PRTFDC1: variants seen among roughly 807,000 people sequenced by gnomAD.
PRTFDC1 encodes phosphoribosyltransferase domain-containing protein 1.
A neutral mutation model predicts 34.6 loss-of-function variants in PRTFDC1; 38 were observed. The ratio of observed to expected loss-of-function variants is 1.10; its 90% CI spans 0.85 to 1.44. PRTFDC1 has a LOEUF of 1.44. Among genes scored for constraint, PRTFDC1 ranks in the 40% most tolerant of loss-of-function variants. The probability of loss-of-function intolerance (pLI) is 0.00; values close to 1 mark genes in which losing one functional copy is unlikely to be tolerated. For synonymous variants in PRTFDC1, 93 were observed against 98.1 expected, an observed-to-expected ratio of 0.95 and a Z score of 0.31; for missense variants, 270 against 283.0, an observed-to-expected ratio of 0.95 and a Z score of 0.33.
intron 3 of PRTFDC1, among the ~76,000 whole-genome samples, chr10:24,933,693 A>ATT (rs71399941): frequency 5.9e-5 from 8 of 136,028 alleles, no homozygotes; most frequent in East Asian, 2.1e-4. Context: ...GAGTTTGGCA[A>ATT]TTTTTTTTTT....
At chr10:24,866,792 AAGAG>A (rs111304267) in intron 4 of PRTFDC1, among the ~76,000 whole-genome samples, 13 of 148,308 alleles carry the variant, frequency 8.8e-5, no homozygotes, top group East Asian at 2.0e-4. Context: ...AAAAGAAAGA[AAGAG>A]AGAGAGAGAG....
At position 24,952,558 on chromosome 10, in the gene PRTFDC1, C is replaced by A; in HGVS notation, c.18G>T (p.Glu6Asp). The A allele has an allele frequency of 1.9e-6, 3 of 1,592,320 alleles. No homozygotes were observed. The highest frequency in any genetic ancestry group is 2.6e-6 in the Non-Finnish European group (3 of 1,169,348). ...CGCCTCGCCCGTAGTCTGGCGCCTCCTCGCTGCTCCCGGCCATGTTTCTCC... is the reference window on the plus strand; with the variant it reads ...CGCCTCGCCCGTAGTCTGGCGCCTCATCGCTGCTCCCGGCCATGTTTCTCC... MAGSS[E>D]EAPDYGRGVV... is the part of the protein sequence containing the mutation. Residue 6 changes from glutamate (E) to aspartate (D), a missense_variant, in exon 1 of 9, where the codon GAG (glutamate) becomes GAT (aspartate). By Grantham distance (45) the Glu-to-Asp change is conservative. Transcript: ENST00000320152. This position sits in a 1 kb window ranked among gnomAD's most constrained non-coding sequence, Gnocchi z 5.1.
At chr10:24,853,955 G>T (rs959922025) in intron 7 of PRTFDC1, among the ~76,000 whole-genome samples, 1 of 152,270 alleles carries the variant, frequency 6.6e-6, no homozygotes, top group Admixed American at 6.5e-5. Context: ...GACACTCATG[G>T]CTACATGACT....
At chr10:24,947,972 GAAT>G in intron 1 of PRTFDC1, among the ~76,000 whole-genome samples, 1 of 152,236 alleles carries the variant, frequency 6.6e-6, no homozygotes, top group East Asian at 1.9e-4. Flanking sequence ...GCTCACAGAG[GAAT>G]GAAGGAAGCT....
intron 3 of PRTFDC1, among the ~76,000 whole-genome samples, chr10:24,916,572 T>G (rs1416284972): frequency 1.3e-5 from 2 of 152,306 alleles, no homozygotes; most frequent in East Asian, 3.9e-4. Flanking sequence ...TAAGGGCCAT[T>G]GCACTTGCTG....
chr10:24,903,707 CTT>C (rs112008221), intron 3 of PRTFDC1, among the ~76,000 whole-genome samples: 45 of 142,466 alleles, frequency 3.2e-4, no homozygotes, highest in Admixed American at 3.5e-4. Flanking sequence ...AAGTTGTATT[CTT>C]TTTTTTTTTT....
At chr10:24,908,274 G>A (rs778179987) in intron 3 of PRTFDC1, 45 of 528,050 alleles carry the variant, frequency 8.5e-5, no homozygotes, top group Non-Finnish European at 1.3e-4. Context: ...TGTCTTTTAC[G>A]GAATAAAGAA....
chr10:24,864,251 G>A (rs1231401424), intron 4 of PRTFDC1, among the ~76,000 whole-genome samples: 1 of 152,130 alleles, frequency 6.6e-6, no homozygotes, highest in Admixed American at 6.6e-5. Flanking sequence ...ACAACAAAGG[G>A]TTTAAAATAT....
chr10:24,908,464 T>C, intron 3 of PRTFDC1: 2 of 1,597,848 alleles, frequency 1.3e-6, no homozygotes, highest in Non-Finnish European at 1.7e-6. Context: ...AGCCCTAGAA[T>C]GGTCCAGGTG....
At chr10:24,908,873 TG>T (rs1848581868) in intron 3 of PRTFDC1, 1 of 898,254 alleles carries the variant, frequency 1.1e-6, no homozygotes, top group African/African-American at 1.7e-5. Context: ...GACCTCTGGC[TG>T]GGGTGAGAAT....
chr10:24,856,993 A>ACTG lies in PRTFDC1; in HGVS notation c.425_426insCAG (p.Asp142_Val143insSer). 1 of 1,612,264 alleles carries ACTG rather than the reference A, an allele frequency of 6.2e-7. No individual in the cohort carries two copies. ...TCATGGTCCTCCCAGTTCCGACAAC[A>ACTG]TCCTTTGCAAAAAGGACAGATAAAT... is the stretch of plus-strand genomic sequence containing the variant. On this transcript the variant is annotated inframe_insertion and splice_region_variant, in exon 6 of 9. Coordinates refer to ENST00000320152, the MANE Select transcript of PRTFDC1 (RefSeq NM_020200.7).
intron 3 of PRTFDC1, among the ~76,000 whole-genome samples, chr10:24,897,146 G>A (rs930078823): frequency 6.6e-6 from 1 of 152,120 alleles, no homozygotes; most frequent in African/African-American, 2.4e-5. Context: ...GGAGTTTGAG[G>A]CTGCAGTGAG....
At chr10:24,866,987 AAAAG>A (rs1192455254) in intron 4 of PRTFDC1, among the ~76,000 whole-genome samples, 1 of 152,028 alleles carries the variant, frequency 6.6e-6, no homozygotes, top group Non-Finnish European at 1.5e-5. Flanking sequence ...TTATTTAAAA[AAAAG>A]AAAGGGAGAA....
At chr10:24,857,027 A>G (rs1200671321) in intron 5 of PRTFDC1, 32 bp from the exon 6 acceptor site, 1 of 1,550,104 alleles carries the variant, frequency 6.5e-7, no homozygotes, top group Non-Finnish European at 8.9e-7. Context: ...ATTCAACAAA[A>G]TGCATTTGAG....
At chr10:24,863,275 TGC>T (rs1847714067) in intron 4 of PRTFDC1, among the ~76,000 whole-genome samples, 1 of 152,226 alleles carries the variant, frequency 6.6e-6, no homozygotes, top group East Asian at 1.9e-4. Context: ...CTTAAAATGA[TGC>T]TAAATCAACT....
At chr10:24,891,892 G>C (rs1011559022) in intron 3 of PRTFDC1, among the ~76,000 whole-genome samples, 2 of 152,208 alleles carry the variant, frequency 1.3e-5, no homozygotes, top group African/African-American at 4.8e-5. Context: ...TCAGCTTACT[G>C]TCCTGCTAGA....
chr10:24,896,149 C>G (rs1383118161), intron 3 of PRTFDC1, among the ~76,000 whole-genome samples: 1 of 152,072 alleles, frequency 6.6e-6, no homozygotes, highest in Non-Finnish European at 1.5e-5. Context: ...GGTCTGTGGT[C>G]GTTGGGAACA....
At chr10:24,882,425 T>C (rs576915009) in intron 3 of PRTFDC1, among the ~76,000 whole-genome samples, 5 of 152,248 alleles carry the variant, frequency 3.3e-5, no homozygotes, top group South Asian at 2.1e-4. Context: ...ACTTTCATCC[T>C]AATTGTACCC....
intron 3 of PRTFDC1, among the ~76,000 whole-genome samples, chr10:24,909,875 G>T (rs751254379): frequency 6.6e-6 from 1 of 152,074 alleles, no homozygotes; most frequent in Non-Finnish European, 1.5e-5. Flanking sequence ...TTTTGGCCAG[G>T]CGTGTTGGCT....
Sources: gnomAD v4.1 joint callset for allele counts (sites outside exome capture counted in the v4.1 genomes callset) on GRCh38, gnomAD v4.1.1 for gene constraint, Gnocchi (gnomAD v3.1) non-coding constraint, MANE v1.5 for transcripts, NCBI Gene and HGNC (gene_info 2026-07-23, HGNC 2026-07-21) for gene names.